NME7: variants seen among roughly 807,000 people sequenced by gnomAD.
The protein encoded by NME7 is NME/NM23 family member 7.
In NME7, 41 loss-of-function variants were observed where a neutral mutation model predicts 49.1. The ratio of observed to expected loss-of-function variants is 0.83; its 90% CI spans 0.65 to 1.08. The LOEUF (loss-of-function observed/expected upper bound fraction) is 1.08. Ranked by LOEUF, NME7 falls within the 50% of genes least tolerant of loss-of-function variation. The pLI, the probability that NME7 is intolerant of heterozygous loss-of-function variation, is 0.00. For missense variants in NME7, 423 were observed against 463.4 expected (o/e 0.91, Z 0.80); for synonymous variants, 139 against 150.6 (o/e 0.92, Z 0.56).
chr1:169,351,998 A>C (rs914673315), intron 1 of NME7, among the ~76,000 whole-genome samples: 5 of 152,026 alleles, frequency 3.3e-5, no homozygotes, highest in African/African-American at 1.2e-4. Context: ...CAAACATATA[A>C]AGAACTAATA....
At chr1:169,281,636 T>G (rs1447388797) in intron 7 of NME7, among the ~76,000 whole-genome samples, 1 of 152,196 alleles carries the variant, frequency 6.6e-6, no homozygotes, top group East Asian at 1.9e-4. Flanking sequence ...CATCAATACC[T>G]AGTTTATTGA....
At chr1:169,260,984 C>A (rs1307400863) in intron 7 of NME7, among the ~76,000 whole-genome samples, 1 of 131,844 alleles carries the variant, frequency 7.6e-6, no homozygotes, top group African/African-American at 2.6e-5. Flanking sequence ...ACTGGGTCAA[C>A]AAATGAATAT....
At chr1:169,355,359 A>AT (rs1653432206) in intron 1 of NME7, among the ~76,000 whole-genome samples, 1 of 72,882 alleles carries the variant, frequency 1.4e-5, no homozygotes, top group African/African-American at 4.1e-5. Flanking sequence ...TATATTAAAT[A>AT]TATATTATAC....
At chr1:169,278,960 G>T (rs1366524135) in intron 7 of NME7, among the ~76,000 whole-genome samples, 1 of 152,188 alleles carries the variant, frequency 6.6e-6, no homozygotes, top group African/African-American at 2.4e-5. Context: ...TCCAGACCCT[G>T]TTTGCCTGGG....
chr1:169,358,386 A>G (rs58809384), intron 1 of NME7, among the ~76,000 whole-genome samples: 3 of 152,002 alleles, frequency 2.0e-5, no homozygotes, highest in Non-Finnish European at 4.4e-5. Flanking sequence ...CACACAGCTC[A>G]TAAGTGCTTA....
rs1377785173 is a variant in NME7 at position 169,267,562 on chromosome 1, A to G, written c.754+19741T>C. On this transcript the variant is annotated intron_variant, in intron 7 of 11. Coordinates refer to ENST00000367811, the MANE Select transcript of NME7 (RefSeq NM_013330.5). ...ACCAAAAACAACATGGTACTGGTAT[A>G]AAAACAGACACACAGACCAATGGAG... Among the ~76,000 whole-genome samples, 2 of 133,596 alleles carry G rather than the reference A, an allele frequency of 1.5e-5. 1 individual carries two copies. Among genetic ancestry groups the G allele is most frequent in the Non-Finnish European group, 3.5e-5 (2 of 56,818 alleles). 87.6% of individuals were successfully genotyped at this position (133,596 alleles called of 152,430 possible).
intron 4 of NME7, among the ~76,000 whole-genome samples, chr1:169,307,037 T>C (rs1651197512): frequency 2.0e-5 from 3 of 152,130 alleles, no homozygotes; most frequent in Admixed American, 1.3e-4. Flanking sequence ...CTTTAACAAA[T>C]GTGGAGTTTG....
At chr1:169,171,041 G>A (rs35631014) in intron 10 of NME7, among the ~76,000 whole-genome samples, 56,450 of 151,862 alleles carry the variant, frequency 0.37, 11,062 homozygotes, top group East Asian at 0.73. Context: ...TCTTATTTCC[G>A]GTCAGGGAAA....
At chr1:169,151,580 C>T (rs1347567856) in intron 11 of NME7, among the ~76,000 whole-genome samples, 1 of 152,154 alleles carries the variant, frequency 6.6e-6, no homozygotes, top group Non-Finnish European at 1.5e-5. Flanking sequence ...GCTAGTCCCC[C>T]CCAGGCTGTC....
At chr1:169,317,560 C>A (rs1430600636) in intron 3 of NME7, among the ~76,000 whole-genome samples, 5 of 152,054 alleles carry the variant, frequency 3.3e-5, no homozygotes, top group Non-Finnish European at 5.9e-5. Context: ...CTAAGGTATT[C>A]CTCTAAGGCA....
intron 1 of NME7, among the ~76,000 whole-genome samples, chr1:169,360,818 T>A (rs1251931800): frequency 6.6e-6 from 1 of 152,032 alleles, no homozygotes; most frequent in Non-Finnish European, 1.5e-5. Flanking sequence ...GTACTTATCA[T>A]CATATGAGGT....
intron 10 of NME7, among the ~76,000 whole-genome samples, chr1:169,187,619 C>A (rs1360291240): frequency 1.3e-5 from 2 of 152,076 alleles, no homozygotes; most frequent in Non-Finnish European, 2.9e-5. Context: ...ATTCCTCCAT[C>A]CCTTTATTTT....
At chr1:169,191,572 G>C (rs575382840) in intron 10 of NME7, among the ~76,000 whole-genome samples, 17 of 152,158 alleles carry the variant, frequency 1.1e-4, no homozygotes, top group African/African-American at 3.6e-4. Flanking sequence ...AAAGACTTTT[G>C]CTTTTCAGCC....
chr1:169,188,417 G>A (rs536610778), intron 10 of NME7, among the ~76,000 whole-genome samples: 19 of 152,250 alleles, frequency 1.2e-4, no homozygotes, highest in African/African-American at 2.6e-4. Context: ...GTTCAATCAC[G>A]TCTATGCAAC....
At chr1:169,148,817 T>C (rs145903944) in intron 11 of NME7, among the ~76,000 whole-genome samples, 3 of 152,202 alleles carry the variant, frequency 2.0e-5, no homozygotes, top group Non-Finnish European at 4.4e-5. Context: ...CTTAGGTGAG[T>C]AGACACAAAA....
chr1:169,358,591 T>C lies in NME7; in HGVS notation c.3+9117A>G, dbSNP rs531402982. The stretch of plus-strand genomic sequence containing the variant: ...CAATAAACCTTGAATTTTAACAATT[T>C]ATAATAGATGTAAAACAATAATTAC... On this transcript the variant is annotated intron_variant, in intron 1 of 11. Transcript: ENST00000367811. Among the ~76,000 whole-genome samples, 4 of 152,224 alleles carry C rather than the reference T, an allele frequency of 2.6e-5. No homozygotes were observed. The East Asian group carries it at 7.7e-4, about 29-fold the overall frequency.
intron 1 of NME7, among the ~76,000 whole-genome samples, chr1:169,335,032 T>A (rs543872193): frequency 2.0e-4 from 30 of 152,214 alleles, no homozygotes; most frequent in African/African-American, 7.2e-4. Context: ...TCACACCAGT[T>A]AGAATGACGA....
At chr1:169,172,008 G>GT (rs1659610820) in intron 10 of NME7, among the ~76,000 whole-genome samples, 1 of 152,074 alleles carries the variant, frequency 6.6e-6, no homozygotes, top group African/African-American at 2.4e-5. Context: ...GTGGCTAAAA[G>GT]TATCAACTGC....
chr1:169,287,879 G>A (rs1212834678), intron 6 of NME7, among the ~76,000 whole-genome samples: 1 of 152,082 alleles, frequency 6.6e-6, no homozygotes, highest in African/African-American at 2.4e-5. Context: ...TATAGGCCTA[G>A]TATAAAATAA....
Sources: allele counts gnomAD v4.1 joint callset (sites outside exome capture counted in the v4.1 genomes callset), GRCh38; gene constraint gnomAD v4.1.1; transcripts MANE v1.5; gene names NCBI Gene and HGNC (gene_info 2026-07-23, HGNC 2026-07-21).